Variants in SETD3 observed in about 807,000 individuals in gnomAD.
The protein encoded by SETD3 is actin-histidine N-methyltransferase.
A neutral mutation model predicts 63.0 loss-of-function variants in SETD3; 19 were observed. The ratio of observed to expected loss-of-function variants is 0.30; its 90% CI spans 0.21 to 0.44. The LOEUF (loss-of-function observed/expected upper bound fraction) is 0.44. Among genes scored for constraint, SETD3 ranks in the 20% least tolerant of loss-of-function variants. SETD3 has a pLI of 1.00. For synonymous variants in SETD3, 286 were observed against 264.1 expected (o/e 1.08, Z -0.80); for missense variants, 587 against 728.5 (o/e 0.81, Z 2.24).
At chr14:99,414,553 G>A (rs1201431864) in intron 6 of SETD3, among the ~76,000 whole-genome samples, 3 of 152,118 alleles carry the variant, frequency 2.0e-5, no homozygotes, top group Non-Finnish European at 2.9e-5. Context: ...CAAACACATA[G>A]GATAACGACA....
rs1055087862 is a variant in SETD3 at position 99,468,852 on chromosome 14, T to C, written c.-8-3039A>G. Among the ~76,000 whole-genome samples, 8 of 152,300 alleles carry C rather than the reference T, an allele frequency of 5.3e-5. 1 individual carries two copies. The East Asian group carries it at 9.7e-4, about 18-fold the overall frequency. On this transcript the variant is annotated intron_variant, in intron 1 of 12. Coordinates refer to ENST00000331768, the MANE Select transcript of SETD3 (RefSeq NM_032233.3). ...AGACGTGCTCACATACCAGCATCCC[T>C]TCAGGTAACAGGCTCCTTGAGGACA...
intron 6 of SETD3, among the ~76,000 whole-genome samples, chr14:99,447,507 CT>C (rs1894204512): frequency 6.6e-6 from 1 of 152,038 alleles, no homozygotes; most frequent in African/African-American, 2.4e-5. Flanking sequence ...AATTGGAAAC[CT>C]TAAATAGCAC....
At chr14:99,414,581 T>A (rs1892189580) in intron 6 of SETD3, among the ~76,000 whole-genome samples, 1 of 152,260 alleles carries the variant, frequency 6.6e-6, no homozygotes, top group African/African-American at 2.4e-5. Flanking sequence ...TCAGCATATT[T>A]AAATTTTACT....
chr14:99,478,045 T>A (rs991307774), intron 1 of SETD3, among the ~76,000 whole-genome samples: 3 of 152,008 alleles, frequency 2.0e-5, no homozygotes, highest in African/African-American at 4.8e-5. Flanking sequence ...CAAAACAAAC[T>A]GTTAGCCAGA....
chr14:99,398,848 C>T lies in SETD3; in HGVS notation c.1616G>A (p.Arg539Lys), dbSNP rs138458922. 1.1e-5 allele frequency: 18 copies of T among 1,614,112 alleles called. No individual in the cohort carries two copies. In the African/African-American group the frequency reaches 2.3e-4, roughly 20 times the overall value. ...GGCCTTTGCTTTGCTGATTGCCTCTCTGATGTTCAAGGCATCCTGCACTCC... is the reference window on the plus strand; with the variant it reads ...GGCCTTTGCTTTGCTGATTGCCTCTTTGATGTTCAAGGCATCCTGCACTCC... ...EAGVQDALNI[R>K]EAISKAKATE... The change falls in exon 13 of 13, where the codon AGA becomes AAA. Residue 539 changes from arginine (R) to lysine (K), a missense_variant. Arg to Lys is a conservative substitution (Grantham distance 26, BLOSUM62 2). Coordinates refer to ENST00000331768, the MANE Select transcript of SETD3 (RefSeq NM_032233.3).
intron 6 of SETD3, among the ~76,000 whole-genome samples, chr14:99,439,099 T>C (rs953617698): frequency 6.6e-6 from 1 of 152,224 alleles, no homozygotes; most frequent in African/African-American, 2.4e-5. Context: ...CAGCAGCCAC[T>C]TGATCCCAAC....
At chr14:99,450,643 A>G (rs980384385) in intron 6 of SETD3, among the ~76,000 whole-genome samples, 3 of 152,236 alleles carry the variant, frequency 2.0e-5, no homozygotes, top group African/African-American at 4.8e-5. Flanking sequence ...GGCTGCTGCA[A>G]TGATGCTTGC....
upstream of SETD3, among the ~76,000 whole-genome samples, chr14:99,482,990 C>T (rs1428677655): frequency 6.6e-6 from 1 of 152,188 alleles, no homozygotes; most frequent in Non-Finnish European, 1.5e-5. Flanking sequence ...TATTTTTAAG[C>T]TCAGGTAAAT....
At chr14:99,442,634 T>C (rs1263537961) in intron 6 of SETD3, among the ~76,000 whole-genome samples, 2 of 152,270 alleles carry the variant, frequency 1.3e-5, no homozygotes, top group African/African-American at 4.8e-5. Context: ...CTCTTCCTTA[T>C]GATTTTCTTA....
chr14:99,469,039 T>A (rs970211119), intron 1 of SETD3, among the ~76,000 whole-genome samples: 7 of 152,226 alleles, frequency 4.6e-5, no homozygotes, highest in African/African-American at 1.7e-4. Flanking sequence ...AATGTCTAAT[T>A]CCTGCTCCGC....
At chr14:99,456,410 G>C (rs1894763551) in intron 6 of SETD3, among the ~76,000 whole-genome samples, 1 of 152,062 alleles carries the variant, frequency 6.6e-6, no homozygotes, top group Non-Finnish European at 1.5e-5. Flanking sequence ...TAGTAAAGAG[G>C]AATAATTTCT....
At chr14:99,406,462 T>C (rs1311708422) in intron 9 of SETD3, 54 bp downstream of exon 9, 3 of 1,489,722 alleles carry the variant, frequency 2.0e-6, no homozygotes, top group Non-Finnish European at 2.8e-6. Context: ...AACACGGTGT[T>C]AACGTTAGTG....
intron 6 of SETD3, among the ~76,000 whole-genome samples, chr14:99,417,608 C>T (rs888315742): frequency 6.6e-6 from 1 of 152,204 alleles, no homozygotes; most frequent in African/African-American, 2.4e-5. Context: ...CAGCTGCAGG[C>T]TTATTTTAAG....
upstream of SETD3, among the ~76,000 whole-genome samples, chr14:99,483,257 G>A: frequency 6.6e-6 from 1 of 152,120 alleles, no homozygotes; most frequent in Non-Finnish European, 1.5e-5. Context: ...AGTGAGAAAA[G>A]GCCAGGTGAG....
At chr14:99,482,068 A>C (rs977158366), upstream of SETD3, among the ~76,000 whole-genome samples, 6 of 152,216 alleles carry the variant, frequency 3.9e-5, no homozygotes, top group African/African-American at 1.4e-4. Context: ...ATTGTTCTTT[A>C]GAAAATTGGA....
At chr14:99,442,968 G>A (rs1893916137) in intron 6 of SETD3, among the ~76,000 whole-genome samples, 1 of 152,178 alleles carries the variant, frequency 6.6e-6, no homozygotes, top group African/African-American at 2.4e-5. Flanking sequence ...CTCTGACGCG[G>A]ACGGGACGCT....
intron 1 of SETD3, among the ~76,000 whole-genome samples, chr14:99,468,200 C>T (rs1358432300): frequency 1.3e-5 from 2 of 149,526 alleles, no homozygotes; most frequent in African/African-American, 4.9e-5. Context: ...TCTTCCAGAT[C>T]AAATACCATG....
chr14:99,465,910 C>T, intron 1 of SETD3, 97 bp from the exon 2 acceptor site: 4 of 705,698 alleles, frequency 5.7e-6, no homozygotes, highest in Middle Eastern at 3.7e-4. Flanking sequence ...TCTTAGTCTT[C>T]AGAGGCTAAG....
chr14:99,484,993 C>T (rs144244753), upstream of SETD3, among the ~76,000 whole-genome samples: 287 of 152,300 alleles, frequency 1.9e-3, no homozygotes, highest in Middle Eastern at 0.014. Context: ...TCAGAGGAAT[C>T]ACAAGCTACT....
Sources: allele counts gnomAD v4.1 joint callset (sites outside exome capture counted in the v4.1 genomes callset), GRCh38; gene constraint gnomAD v4.1.1; transcripts MANE v1.5; gene names NCBI Gene and HGNC (gene_info 2026-07-23, HGNC 2026-07-21).